Variants in ATXN2 observed in about 807,000 individuals in gnomAD.
ATXN2 encodes the protein ataxin-2.
In ATXN2, 37 loss-of-function variants were observed where a neutral mutation model predicts 138.6. That is an observed-to-expected ratio of 0.27 (90% CI 0.21 to 0.35). The LOEUF is 0.35. Among genes scored for constraint, ATXN2 ranks in the 10% least tolerant of loss-of-function variants. ATXN2 has a pLI of 1.00. For synonymous variants in ATXN2, 549 were observed against 543.7 expected (o/e 1.01, Z -0.13); for missense variants, 1,216 against 1,480.3 (o/e 0.82, Z 2.93).
intron 7 of ATXN2, 145 bp downstream of exon 7, chr12:111,520,736 GA>G (rs1165223056): frequency 5.4e-6 from 3 of 551,648 alleles, no homozygotes. Flanking sequence ...TTTTTTAATG[GA>G]AATTTATCAC....
At chr12:111,553,011 G>A in intron 3 of ATXN2, 34 bp from the exon 4 acceptor site, 1 of 1,379,132 alleles carries the variant, frequency 7.3e-7, no homozygotes, top group Non-Finnish European at 9.8e-7. Context: ...CAAAGAAACA[G>A]TATACTACCC....
intron 22 of ATXN2, among the ~76,000 whole-genome samples, chr12:111,456,939 G>A (rs930735817): frequency 2.6e-5 from 4 of 151,900 alleles, no homozygotes; most frequent in Non-Finnish European, 4.4e-5. Flanking sequence ...TATTAGAGAC[G>A]GAGTTTCACA....
rs775229968 is a variant in ATXN2 at position 111,470,181 on chromosome 12, T to A, written c.2769A>T (p.Thr923=). The change falls in exon 20 of 25, where the codon ACA becomes ACT. Residue 923 remains threonine, a synonymous_variant. Transcript: ENST00000673436. The stretch of plus-strand genomic sequence containing the variant: ...AAGATACTAAACCAGGCTGGGCGTG[T>A]GTTGGTGGTGCCATCATTCTAGCAT... ...QGNARMMAPP[T]HAQPGLVSSS... 2.2e-5 allele frequency: 35 copies of A among 1,614,034 alleles called. No homozygotes were observed. In the East Asian group the frequency reaches 6.7e-4, roughly 31 times the overall value.
chr12:111,525,686 AT>A (rs11346498), intron 5 of ATXN2, among the ~76,000 whole-genome samples: 47,985 of 139,260 alleles, frequency 0.34, 10,144 homozygotes, highest in East Asian at 0.86. Flanking sequence ...CACACGAAGC[AT>A]TTTTTTTTTT....
intron 3 of ATXN2, among the ~76,000 whole-genome samples, chr12:111,553,248 A>G (rs1486551255): frequency 6.6e-6 from 1 of 152,192 alleles, no homozygotes; most frequent in Non-Finnish European, 1.5e-5. Flanking sequence ...AATGTACAAA[A>G]GACAATCAAC....
chr12:111,563,840 T>C (rs1882834253), intron 1 of ATXN2, among the ~76,000 whole-genome samples: 1 of 152,206 alleles, frequency 6.6e-6, no homozygotes, highest in Non-Finnish European at 1.5e-5. Context: ...TCAAATGCCA[T>C]CTTTTCAGGA....
chr12:111,596,205 A>AACACAC (rs35316415), intron 1 of ATXN2, among the ~76,000 whole-genome samples: 5,080 of 141,776 alleles, frequency 0.036, 293 homozygotes, highest in East Asian at 0.28. Flanking sequence ...TTCCATCCAA[A>AACACAC]ACACACACAC....
At chr12:111,475,272 A>AG (rs1431717072) in intron 18 of ATXN2, among the ~76,000 whole-genome samples, 1 of 136,160 alleles carries the variant, frequency 7.3e-6, no homozygotes, top group Non-Finnish European at 1.5e-5. Flanking sequence ...TGAACCCCAG[A>AG]GGGGGAGGTT....
chr12:111,553,053 T>G, intron 3 of ATXN2, 76 bp from the exon 4 acceptor site: 1 of 960,304 alleles, frequency 1.0e-6, no homozygotes, highest in Non-Finnish European at 1.5e-6. Flanking sequence ...TCATTTTACT[T>G]TTTATACCTC....
chr12:111,597,991 G>T (rs529767305), intron 1 of ATXN2: 15 of 1,204,738 alleles, frequency 1.2e-5, no homozygotes, highest in Non-Finnish European at 1.6e-5. Context: ...GCGCCGGAGA[G>T]GTCTGGCGGG....
At chr12:111,486,127 T>C (rs1877623763) in intron 16 of ATXN2, among the ~76,000 whole-genome samples, 1 of 152,176 alleles carries the variant, frequency 6.6e-6, no homozygotes. Context: ...TTTTTAAAAA[T>C]TAAAAATAAA....
At chr12:111,455,909 G>C in intron 23 of ATXN2, 120 bp downstream of exon 23, 1 of 966,800 alleles carries the variant, frequency 1.0e-6, no homozygotes, top group Non-Finnish European at 1.7e-6. Context: ...GAGAGGGAAA[G>C]GGAGACAGGC....
rs574491973 is a variant in ATXN2 at position 111,504,170 on chromosome 12, T to A, written c.1935+5379A>T. On this transcript the variant is annotated intron_variant, in intron 14 of 24. Transcript: ENST00000673436. ...TACAGTAACTCTAATCAAGACAGTA[T>A]GGTACTGCCATAAGGATAAGACATA... Among the ~76,000 whole-genome samples the A allele has an allele frequency of 2.0e-5, 3 of 152,328 alleles. No individual in the cohort carries two copies. The South Asian group carries it at 6.2e-4, about 32-fold the overall frequency.
At position 111,505,780 on chromosome 12, in the gene ATXN2, T is replaced by C. The variant is rs74578282; in HGVS notation, c.1935+3769A>G. ...AGTGTAGATATCTTGGCAAATAGCTTGGTAGTTCCTCAAAAGGTTAAACAC... is the reference window on the plus strand; with the variant it reads ...AGTGTAGATATCTTGGCAAATAGCTCGGTAGTTCCTCAAAAGGTTAAACAC... On this transcript the variant is annotated intron_variant, in intron 14 of 24. Transcript: ENST00000673436. 6.8e-4 allele frequency among the ~76,000 whole-genome samples: 103 copies of C among 152,124 alleles called. 1 individual carries two copies. Among genetic ancestry groups the C allele is most frequent in the African/African-American group, 2.3e-3 (94 of 41,486 alleles).
Position 111,486,748 on chromosome 12 carries a change from G to T in ATXN2, c.2304+13C>A. The T allele has an allele frequency of 6.2e-7, 1 of 1,600,794 alleles. No individual in the cohort carries two copies. Among genetic ancestry groups the T allele is most frequent in the Non-Finnish European group, 8.6e-7 (1 of 1,169,184 alleles). Reference sequence around the variant, plus strand: ...TTGGGACTAGATAACCTCAAAGAAAGTAATAAACCTACCTGAGAGAAGGAA... The same window carrying T: ...TTGGGACTAGATAACCTCAAAGAAATTAATAAACCTACCTGAGAGAAGGAA... On this transcript the variant is annotated intron_variant, in intron 16 of 24. Transcript: ENST00000673436.
chr12:111,506,667 C>T (rs867379032), intron 14 of ATXN2, among the ~76,000 whole-genome samples: 1 of 148,852 alleles, frequency 6.7e-6, no homozygotes, highest in Non-Finnish European at 1.5e-5. Context: ...TCCTTCTCCC[C>T]ACGGTCTCCC....
intron 1 of ATXN2, among the ~76,000 whole-genome samples, chr12:111,574,473 G>C (rs1883524285): frequency 6.6e-6 from 1 of 151,672 alleles, no homozygotes; most frequent in South Asian, 2.1e-4. Flanking sequence ...TGTCGCCTGG[G>C]ATGGTATACA....
At chr12:111,549,346 T>G (rs1307601329) in intron 5 of ATXN2, among the ~76,000 whole-genome samples, 1 of 151,602 alleles carries the variant, frequency 6.6e-6, no homozygotes, top group Non-Finnish European at 1.5e-5. Flanking sequence ...GCCAACATGG[T>G]GAAACCCAGT....
rs1393368962 is a variant in ATXN2 at position 111,453,113 on chromosome 12, A to T, written c.3440-273T>A. ...AAGGCCTTAACAAACCCCCTCCCCA[A>T]ATATTAGCCAAGCACCAGTATTGCT... On this transcript the variant is annotated intron_variant, in intron 24 of 24. Transcript: ENST00000673436. This position sits in a 1 kb window ranked among gnomAD's most constrained non-coding sequence, Gnocchi z 5.4. 3 of 1,257,248 alleles carry T rather than the reference A, an allele frequency of 2.4e-6. No individual in the cohort carries two copies. In the African/African-American group the frequency reaches 4.6e-5, roughly 19 times the overall value. 77.9% of individuals were successfully genotyped at this position (1,257,248 alleles called of 1,614,324 possible). A position where few individuals can be genotyped will look rare whatever the true frequency, so the allele number is the denominator to read the frequency against.
Sources: gnomAD v4.1 joint callset for allele counts (sites outside exome capture counted in the v4.1 genomes callset) on GRCh38, gnomAD v4.1.1 for gene constraint, Gnocchi (gnomAD v3.1) non-coding constraint, MANE v1.5 for transcripts, NCBI Gene and HGNC (gene_info 2026-07-23, HGNC 2026-07-21) for gene names.